CRTAC1: variants seen among roughly 807,000 people sequenced by gnomAD.
CRTAC1 encodes acidic secreted protein in cartilage.
A neutral mutation model predicts 67.8 loss-of-function variants in CRTAC1; 37 were observed. The ratio of observed to expected loss-of-function variants is 0.55; its 90% CI spans 0.42 to 0.72. The LOEUF (loss-of-function observed/expected upper bound fraction) is 0.72. CRTAC1 is among the 30% of genes least tolerant of loss of function. CRTAC1 has a pLI of 0.00. For missense variants in CRTAC1, 780 were observed against 931.6 expected (o/e 0.84, Z 2.12); for synonymous variants, 348 against 371.0 (o/e 0.94, Z 0.71).
At chr10:97,879,858 GA>G in intron 14 of CRTAC1, 6 of 645,812 alleles carry the variant, frequency 9.3e-6, no homozygotes, top group South Asian at 1.7e-5. Context: ...AGGGGGTGGG[GA>G]CGGGGTGGGG....
chr10:97,991,099 C>CAAAAAAAA (rs757267901), intron 2 of CRTAC1, among the ~76,000 whole-genome samples: 390 of 17,974 alleles, frequency 0.022, 39 homozygotes, highest in Non-Finnish European at 0.031. Context: ...ACCATCTCTA[C>CAAAAAAAA]AAAAAAAAAA....
At chr10:98,005,244 A>G (rs1179872392) in intron 2 of CRTAC1, among the ~76,000 whole-genome samples, 1 of 150,156 alleles carries the variant, frequency 6.7e-6, no homozygotes, top group East Asian at 2.0e-4. Context: ...AGATGGGATT[A>G]TAGGCACGTG....
At chr10:97,962,616 G>A (rs927552282) in intron 2 of CRTAC1, among the ~76,000 whole-genome samples, 25 of 152,188 alleles carry the variant, frequency 1.6e-4, no homozygotes, top group African/African-American at 4.8e-4. Flanking sequence ...TGGCAATGCC[G>A]TGGGGACCAG....
chr10:97,893,432 T>C (rs1290136274), intron 11 of CRTAC1, among the ~76,000 whole-genome samples: 1 of 152,196 alleles, frequency 6.6e-6, no homozygotes, highest in Non-Finnish European at 1.5e-5. Flanking sequence ...ACCATTGCAT[T>C]TCAGTGAAGA....
intron 4 of CRTAC1, among the ~76,000 whole-genome samples, chr10:97,922,232 G>A (rs1359454949): frequency 6.6e-6 from 1 of 152,170 alleles, no homozygotes; most frequent in Non-Finnish European, 1.5e-5. Flanking sequence ...ACAGATTCAG[G>A]TCAGGCTAAA....
Position 97,895,839 on chromosome 10 carries a change from A to G in CRTAC1, c.1317+46T>C. Reference sequence around the variant, plus strand: ...TGCCCTCACCAACTCAAGGTACCCGAGAGCACACAGGGCTGGGATCTGTGG... The same window carrying G: ...TGCCCTCACCAACTCAAGGTACCCGGGAGCACACAGGGCTGGGATCTGTGG... On this transcript the variant is annotated intron_variant, in intron 10 of 14. Coordinates refer to ENST00000370597, the MANE Select transcript of CRTAC1 (RefSeq NM_018058.7). This position sits in a 1 kb window ranked among gnomAD's most constrained non-coding sequence, Gnocchi z 4.2. The G allele has an allele frequency of 6.6e-7, 1 of 1,526,164 alleles. No homozygotes were observed. Among genetic ancestry groups the G allele is most frequent in the Non-Finnish European group, 9.1e-7 (1 of 1,102,762 alleles). 94.5% of individuals were successfully genotyped at this position (1,526,164 alleles called of 1,614,324 possible).
At chr10:97,904,835 C>T in intron 6 of CRTAC1, 21 bp from the exon 7 acceptor site, 1 of 1,585,564 alleles carries the variant, frequency 6.3e-7, no homozygotes, top group Non-Finnish European at 8.6e-7. Context: ...GAGGCAGGAA[C>T]TCTCAGGGCG....
At chr10:97,897,899 C>G (rs2050483753) in intron 8 of CRTAC1, among the ~76,000 whole-genome samples, 2 of 152,198 alleles carry the variant, frequency 1.3e-5, no homozygotes, top group South Asian at 4.1e-4. Context: ...ATGTGAGAAA[C>G]ACCAGAGGGC....
Position 97,865,527 on chromosome 10 carries a change from TG to T in CRTAC1, c.*20del. ...CACTCCCCTGCTGGACTCCATCCGC[TG>T]GTTCATGTCCCACCCCTGCTCAGCA... On this transcript the variant is annotated 3_prime_UTR_variant, in exon 15 of 15. Transcript: ENST00000370597. The T allele has an allele frequency of 6.3e-7, 1 of 1,590,646 alleles. No homozygotes were observed. Among genetic ancestry groups the T allele is most frequent in the Non-Finnish European group, 8.6e-7 (1 of 1,163,932 alleles).
chr10:98,001,356 G>A (rs1842684824), intron 2 of CRTAC1, among the ~76,000 whole-genome samples: 3 of 152,166 alleles, frequency 2.0e-5, no homozygotes, highest in Non-Finnish European at 1.5e-5. Flanking sequence ...GTGAACGCAA[G>A]CAGGTCACTG....
At chr10:97,979,935 C>G (rs1226915537) in intron 2 of CRTAC1, among the ~76,000 whole-genome samples, 2 of 152,154 alleles carry the variant, frequency 1.3e-5, no homozygotes, top group Non-Finnish European at 2.9e-5. Flanking sequence ...AGGTTCTTCC[C>G]CAGATCGCTC....
chr10:97,966,939 G>A (rs1017922715), intron 2 of CRTAC1, among the ~76,000 whole-genome samples: 1 of 151,288 alleles, frequency 6.6e-6, no homozygotes, highest in African/African-American at 2.4e-5. Flanking sequence ...TGCTGATGTT[G>A]ACCTTGATCA....
intron 14 of CRTAC1, chr10:97,866,729 TGA>T (rs2050030297): frequency 6.6e-6 from 1 of 152,200 alleles, no homozygotes; most frequent in Non-Finnish European, 1.5e-5. Flanking sequence ...TGCATTTATA[TGA>T]GTGTGAGTGC....
intron 2 of CRTAC1, among the ~76,000 whole-genome samples, chr10:98,004,147 G>A (rs886142826): frequency 1.3e-5 from 2 of 152,158 alleles, no homozygotes; most frequent in African/African-American, 4.8e-5. Context: ...TGAAGAGCTG[G>A]CACACTGCAA....
chr10:97,878,531 TC>T (rs1197695850), intron 14 of CRTAC1: 1 of 1,129,742 alleles, frequency 8.9e-7, no homozygotes, highest in Non-Finnish European at 1.1e-6. Context: ...TGACTTTTTT[TC>T]CCCATGAAGA....
chr10:97,931,404 C>T (rs978793224), intron 3 of CRTAC1, among the ~76,000 whole-genome samples: 5 of 152,202 alleles, frequency 3.3e-5, no homozygotes, highest in African/African-American at 4.8e-5. Context: ...TTTGGTAGCA[C>T]GTTTTGTGAG....
At position 97,882,958 on chromosome 10, in the gene CRTAC1, G is replaced by C. The variant is rs1186973728; in HGVS notation, c.1633-130C>G. ...GAGGCATGCTCTGAGCTCTGGGCCT[G>C]GGGGGAGCCCCCTCCCTTGTAAGAC... On this transcript the variant is annotated intron_variant, in intron 12 of 14. Transcript: ENST00000370597. 1.1e-5 allele frequency: 10 copies of C among 908,144 alleles called. No homozygotes were observed. In the Admixed American group the frequency reaches 1.8e-4, roughly 16 times the overall value. The allele number at this position is 908,144 out of a possible 1,614,324, so 56.3% of individuals were successfully genotyped here. A position where few individuals can be genotyped will look rare whatever the true frequency, so the allele number is the denominator to read the frequency against.
intron 2 of CRTAC1, among the ~76,000 whole-genome samples, chr10:98,000,003 T>G (rs529811555): frequency 6.6e-6 from 1 of 152,150 alleles, no homozygotes; most frequent in African/African-American, 2.4e-5. Context: ...CCCTCTCTGC[T>G]AGGAGCTGAA....
At chr10:97,987,133 T>G (rs2051995628) in intron 2 of CRTAC1, among the ~76,000 whole-genome samples, 1 of 152,186 alleles carries the variant, frequency 6.6e-6, no homozygotes, top group African/African-American at 2.4e-5. Context: ...CTGAAACACA[T>G]GCACACACAA....
Sources: allele counts gnomAD v4.1 joint callset (sites outside exome capture counted in the v4.1 genomes callset), GRCh38; gene constraint gnomAD v4.1.1; non-coding constraint Gnocchi (gnomAD v3.1); transcripts MANE v1.5; gene names NCBI Gene and HGNC (gene_info 2026-07-23, HGNC 2026-07-21).